The following CTNNA1 variants were observed in gnomAD, a reference collection of about 807,000 sequenced individuals.
CTNNA1 encodes the protein catenin alpha 1, also known as catenin alpha-1.
CTNNA1 carries 37 observed loss-of-function variants against 98.4 expected under a neutral mutation model. The observed-to-expected ratio is 0.38, with a 90% confidence interval of 0.29 to 0.49. The LOEUF (loss-of-function observed/expected upper bound fraction) is 0.49. Ranked by LOEUF, CTNNA1 falls within the 20% of genes least tolerant of loss-of-function variation. The pLI is 0.95. For synonymous variants in CTNNA1, 404 were observed against 413.2 expected (o/e 0.98, Z 0.27); for missense variants, 761 against 1,147.2 (o/e 0.66, Z 4.86).
At chr5:138,863,918 C>T (rs981188060) in intron 7 of CTNNA1, among the ~76,000 whole-genome samples, 5 of 152,216 alleles carry the variant, frequency 3.3e-5, no homozygotes, top group Non-Finnish European at 5.9e-5. Flanking sequence ...GTATAGGTGG[C>T]GTCAGTTGGT....
intron 7 of CTNNA1, among the ~76,000 whole-genome samples, chr5:138,834,711 C>G (rs1426138470): frequency 6.6e-6 from 1 of 152,118 alleles, no homozygotes; most frequent in African/African-American, 2.4e-5. Context: ...TATTAAATTT[C>G]TAAAATTGGA....
chr5:138,860,588 C>T (rs1373427034), intron 7 of CTNNA1, among the ~76,000 whole-genome samples: 6 of 152,096 alleles, frequency 3.9e-5, no homozygotes, highest in East Asian at 1.9e-4. Context: ...CTCTGCCGCC[C>T]GGGCTCAGGC....
At chr5:138,791,615 CAAAAAAA>C (rs1181055311) in intron 3 of CTNNA1, among the ~76,000 whole-genome samples, 19 of 40,302 alleles carry the variant, frequency 4.7e-4, no homozygotes, top group East Asian at 8.3e-4. Context: ...GACTCCGTCT[CAAAAAAA>C]AAAAAAAAAA....
rs749240690 is a variant in CTNNA1, at chr5:138,933,876, C to T, written c.2508C>T (p.Ser836=). 1 of 1,613,970 alleles carries T rather than the reference C, an allele frequency of 6.2e-7. No individual in the cohort carries two copies. The change falls in exon 18 of 18, where the codon TCC becomes TCT. Residue 836 remains serine, a synonymous_variant. Transcript: ENST00000302763. Reference sequence around the variant, plus strand: ...CTGTGGTGCAGACAGTGAAGGCATCCTACGTCGCCTCTACCAAATACCAAA... The same window carrying T: ...CTGTGGTGCAGACAGTGAAGGCATCTTACGTCGCCTCTACCAAATACCAAA... ...MNAVVQTVKA[S]YVASTKYQKS...
intron 3 of CTNNA1, among the ~76,000 whole-genome samples, chr5:138,808,887 G>A (rs1758383645): frequency 6.6e-6 from 1 of 152,066 alleles, no homozygotes; most frequent in Non-Finnish European, 1.5e-5. Context: ...GCTTCTAGCT[G>A]TAAGAAAAGA....
intron 7 of CTNNA1, among the ~76,000 whole-genome samples, chr5:138,832,732 C>G (rs1218021563): frequency 1.3e-5 from 2 of 151,988 alleles, no homozygotes. Context: ...TGTTTTCTGC[C>G]TATAAACATG....
chr5:138,819,395 T>C (rs926277658), intron 5 of CTNNA1, among the ~76,000 whole-genome samples: 5 of 152,298 alleles, frequency 3.3e-5, no homozygotes, highest in African/African-American at 4.8e-5. Context: ...GAATCCAGCT[T>C]TAGGGAAACA....
At chr5:138,774,266 T>G (rs530966394) in intron 1 of CTNNA1, among the ~76,000 whole-genome samples, 3 of 152,118 alleles carry the variant, frequency 2.0e-5, no homozygotes, top group South Asian at 2.1e-4. Context: ...CTCAAGTGAT[T>G]TTCCCATCGT....
intron 5 of CTNNA1, among the ~76,000 whole-genome samples, chr5:138,819,883 C>T (rs1759850105): frequency 6.6e-6 from 1 of 151,624 alleles, no homozygotes; most frequent in Admixed American, 6.6e-5. Flanking sequence ...GGGGATTTCC[C>T]CCTTGCTGTT....
chr5:138,823,557 G>C (rs1760257821), intron 5 of CTNNA1, among the ~76,000 whole-genome samples: 1 of 152,090 alleles, frequency 6.6e-6, no homozygotes, highest in Non-Finnish European at 1.5e-5. Flanking sequence ...CGGGAGAGGA[G>C]GAGATACGTG....
At chr5:138,812,455 G>T (rs1420649380) in intron 5 of CTNNA1, among the ~76,000 whole-genome samples, 153 bp downstream of exon 5, 2 of 152,128 alleles carry the variant, frequency 1.3e-5, no homozygotes, top group African/African-American at 2.4e-5. Context: ...TCAGTATTGT[G>T]CTGTTAATAA....
chr5:138,902,062 A>T (rs1007190297), intron 9 of CTNNA1, among the ~76,000 whole-genome samples: 2 of 152,326 alleles, frequency 1.3e-5, no homozygotes, highest in East Asian at 3.9e-4. Flanking sequence ...CTTCAACAGT[A>T]CACCAGAAAT....
chr5:138,842,691 G>A (rs1022112983), intron 7 of CTNNA1, among the ~76,000 whole-genome samples: 3 of 152,150 alleles, frequency 2.0e-5, no homozygotes, highest in Non-Finnish European at 4.4e-5. Context: ...GCTCCCAGAA[G>A]CTTAGCGTTG....
chr5:138,776,912 C>T (rs1389589644), intron 1 of CTNNA1, among the ~76,000 whole-genome samples: 2 of 135,834 alleles, frequency 1.5e-5, no homozygotes, highest in African/African-American at 2.8e-5. Flanking sequence ...GACCCCCCCA[C>T]CTCCCTCCCG....
intron 1 of CTNNA1, among the ~76,000 whole-genome samples, chr5:138,777,614 T>G (rs1393138159): frequency 1.1e-4 from 16 of 144,972 alleles, no homozygotes; most frequent in Admixed American, 2.1e-4. Context: ...CCGGCACCTC[T>G]GGAGGCCGAG....
intron 4 of CTNNA1, among the ~76,000 whole-genome samples, chr5:138,811,229 C>G (rs1383294653): frequency 2.9e-5 from 4 of 137,958 alleles, no homozygotes; most frequent in Non-Finnish European, 6.4e-5. Flanking sequence ...CGCTCCTCAC[C>G]TCCCAGATGG....
At chr5:138,770,390 C>T (rs1365437811) in intron 1 of CTNNA1, among the ~76,000 whole-genome samples, 1 of 152,186 alleles carries the variant, frequency 6.6e-6, no homozygotes, top group Non-Finnish European at 1.5e-5. Context: ...ATGTTCTCAA[C>T]TATAATACGA....
At chr5:138,848,728 G>A (rs1762937565) in intron 7 of CTNNA1, among the ~76,000 whole-genome samples, 5 of 152,006 alleles carry the variant, frequency 3.3e-5, no homozygotes, top group Admixed American at 3.3e-4. Context: ...GATTGGGCCT[G>A]GCATACTTTT....
chr5:138,824,177 A>G (rs28363402), intron 5 of CTNNA1, among the ~76,000 whole-genome samples: 5,526 of 152,160 alleles, frequency 0.036, 264 homozygotes, highest in African/African-American at 0.11. Flanking sequence ...CTTTACATAC[A>G]TTATCCGATT....
Sources: gnomAD v4.1 joint callset for allele counts (sites outside exome capture counted in the v4.1 genomes callset) on GRCh38, gnomAD v4.1.1 for gene constraint, MANE v1.5 for transcripts, NCBI Gene and HGNC (gene_info 2026-07-23, HGNC 2026-07-21) for gene names.